PIBF1: variants seen among roughly 807,000 people sequenced by gnomAD.
PIBF1 encodes the protein progesterone immunomodulatory binding factor 1.
Under a neutral mutation model 112.5 loss-of-function variants are expected in PIBF1, and 90 were observed. The observed-to-expected ratio is 0.80, with a 90% CI of 0.67 to 0.95. The LOEUF is 0.95. Among genes scored for constraint, PIBF1 ranks in the 40% least tolerant of loss-of-function variants. The pLI is 0.00. For missense variants in PIBF1, 915 were observed against 852.3 expected, an observed-to-expected ratio of 1.07 and a Z score of -0.92; for synonymous variants, 301 against 288.6, an observed-to-expected ratio of 1.04 and a Z score of -0.44.
rs9573076 is a variant in PIBF1 at position 72,976,736 on chromosome 13, C to G, written c.2049+3061C>G. Among the ~76,000 whole-genome samples the G allele has an allele frequency of 2.3e-3, 357 of 152,262 alleles. 12 individuals are homozygous for G. In the East Asian group the frequency reaches 0.055, roughly 23 times the overall value. On this transcript the variant is annotated intron_variant, in intron 16 of 17. Coordinates refer to ENST00000326291, the MANE Select transcript of PIBF1 (RefSeq NM_006346.4). ...GAAAGAAAACAGCTGGTGTGACCCCCTAGAAATGCTTGGCCATTCACTTGA... is the reference window on the plus strand; with the variant it reads ...GAAAGAAAACAGCTGGTGTGACCCCGTAGAAATGCTTGGCCATTCACTTGA...
At chr13:72,937,391 A>G (rs925905486) in intron 14 of PIBF1, among the ~76,000 whole-genome samples, 1 of 152,240 alleles carries the variant, frequency 6.6e-6, no homozygotes, top group African/African-American at 2.4e-5. Flanking sequence ...AGTGATATTT[A>G]GTAAAACATA....
At chr13:72,844,792 C>G (rs1466856144) in intron 9 of PIBF1, among the ~76,000 whole-genome samples, 3 of 132,030 alleles carry the variant, frequency 2.3e-5, no homozygotes, top group African/African-American at 8.5e-5. Context: ...CACACACACA[C>G]ACACACACGG....
At chr13:72,960,892 C>T (rs1177151093) in intron 14 of PIBF1, among the ~76,000 whole-genome samples, 3 of 151,432 alleles carry the variant, frequency 2.0e-5, no homozygotes, top group Non-Finnish European at 4.4e-5. Context: ...GAATAATTAC[C>T]AAAGCAAAGA....
chr13:72,977,323 G>A (rs760009761), intron 16 of PIBF1, among the ~76,000 whole-genome samples: 1 of 152,126 alleles, frequency 6.6e-6, no homozygotes, highest in Non-Finnish European at 1.5e-5. Flanking sequence ...CCCTGCCTCA[G>A]CCCCCCAAGT....
chr13:73,013,592 C>T (rs1394644910), intron 17 of PIBF1, among the ~76,000 whole-genome samples: 1 of 151,578 alleles, frequency 6.6e-6, no homozygotes, highest in Non-Finnish European at 1.5e-5. Flanking sequence ...TAAAAATTAG[C>T]TGAGAGTGAT....
chr13:73,013,261 AC>A (rs1484358141), intron 17 of PIBF1, among the ~76,000 whole-genome samples: 3 of 143,712 alleles, frequency 2.1e-5, no homozygotes, highest in African/African-American at 8.1e-5. Context: ...AGATCGCGCC[AC>A]TGCACTCCAG....
At chr13:72,965,505 A>G (rs1282913785) in intron 15 of PIBF1, 101 bp downstream of exon 15, 3 of 887,498 alleles carry the variant, frequency 3.4e-6, no homozygotes, top group Non-Finnish European at 5.1e-6. Flanking sequence ...GAAAATTTAA[A>G]TAATGAAGGT....
At chr13:72,849,362 A>G (rs1322197911) in intron 9 of PIBF1, among the ~76,000 whole-genome samples, 4 of 152,250 alleles carry the variant, frequency 2.6e-5, no homozygotes, top group East Asian at 3.8e-4. Flanking sequence ...TAGCTTGTAC[A>G]TGCTACGGAT....
intron 13 of PIBF1, among the ~76,000 whole-genome samples, chr13:72,925,628 G>A (rs530467761): frequency 7.1e-4 from 94 of 133,318 alleles, no homozygotes; most frequent in African/African-American, 2.5e-3. Context: ...TGCAAGCTCC[G>A]CCTCCCGGGT....
intron 13 of PIBF1, among the ~76,000 whole-genome samples, chr13:72,919,535 G>A (rs529534183): frequency 6.6e-6 from 1 of 152,254 alleles, no homozygotes; most frequent in Non-Finnish European, 1.5e-5. Context: ...GCCTAAGGAA[G>A]AATAGAACAT....
At chr13:72,878,615 A>G (rs997992705) in intron 10 of PIBF1, among the ~76,000 whole-genome samples, 2 of 152,174 alleles carry the variant, frequency 1.3e-5, no homozygotes, top group African/African-American at 2.4e-5. Context: ...GTATTCTGCT[A>G]TTGTTGATAA....
chr13:72,802,044 A>G (rs1191804088), intron 5 of PIBF1, among the ~76,000 whole-genome samples: 1 of 152,234 alleles, frequency 6.6e-6, no homozygotes, highest in Non-Finnish European at 1.5e-5. Context: ...AGAATACAGT[A>G]TATAATACAT....
chr13:72,818,259 C>A (rs768919184), intron 5 of PIBF1, among the ~76,000 whole-genome samples: 1 of 152,148 alleles, frequency 6.6e-6, no homozygotes, highest in Non-Finnish European at 1.5e-5. Flanking sequence ...GATACCCCAA[C>A]TTACAGTATT....
intron 5 of PIBF1, among the ~76,000 whole-genome samples, chr13:72,805,795 A>C (rs2035703302): frequency 6.6e-6 from 1 of 152,180 alleles, no homozygotes; most frequent in African/African-American, 2.4e-5. Flanking sequence ...TGAGTCTAGA[A>C]ACTAAAGACC....
In PIBF1 at chr13:72,940,198, T is replaced by A. The variant is rs528465558; in HGVS notation, c.1833+8931T>A. The stretch of plus-strand genomic sequence containing the variant: ...TACAACAGAACAAATGATGTTCTCT[T>A]CAGTTTTTTTCAGTCTTTTTTCTGC... On this transcript the variant is annotated intron_variant, in intron 14 of 17. Coordinates refer to ENST00000326291, the MANE Select transcript of PIBF1 (RefSeq NM_006346.4). Among the ~76,000 whole-genome samples, 132 of 152,276 alleles carry A rather than the reference T, an allele frequency of 8.7e-4. 1 individual carries two copies. Among genetic ancestry groups the A allele is most frequent in the Admixed American group, 2.3e-3 (35 of 15,292 alleles).
rs2036790807 is a variant in PIBF1 at position 72,825,944 on chromosome 13, C to G, written c.807-1066C>G. 2.0e-5 allele frequency among the ~76,000 whole-genome samples: 3 copies of G among 150,692 alleles called. No homozygotes were observed. In the South Asian group the frequency reaches 6.3e-4, roughly 32 times the overall value. ...AAATTAGGCACATGGTGGCATGCAC[C>G]TGTAGTCCTAACTCTCTGGCAGGCT... is the stretch of plus-strand genomic sequence containing the variant. On this transcript the variant is annotated intron_variant, in intron 6 of 17. Coordinates refer to ENST00000326291, the MANE Select transcript of PIBF1 (RefSeq NM_006346.4).
Position 72,823,759 on chromosome 13 carries a change from T to A in PIBF1, c.806+1777T>A, listed in dbSNP as rs141805181. Among the ~76,000 whole-genome samples the A allele has an allele frequency of 2.7e-3, 411 of 152,344 alleles. 4 individuals are homozygous for A. The highest frequency in any genetic ancestry group is 9.6e-3 in the African/African-American group (400 of 41,590). On this transcript the variant is annotated intron_variant, in intron 6 of 17. Coordinates refer to ENST00000326291, the MANE Select transcript of PIBF1 (RefSeq NM_006346.4). Reference sequence around the variant, plus strand: ...TAGATCTGAATGTATCACTTTTTTTTACTAAAAGTTCCTTATTTTCTGGCA... The same window carrying A: ...TAGATCTGAATGTATCACTTTTTTTAACTAAAAGTTCCTTATTTTCTGGCA...
At chr13:72,784,530 A>G (rs2034486663) in intron 2 of PIBF1, among the ~76,000 whole-genome samples, 1 of 152,040 alleles carries the variant, frequency 6.6e-6, no homozygotes, top group Non-Finnish European at 1.5e-5. Flanking sequence ...TGCTGAGGCC[A>G]GTGGATTGCT....
At chr13:72,932,309 A>G (rs970760647) in intron 14 of PIBF1, among the ~76,000 whole-genome samples, 9 of 152,146 alleles carry the variant, frequency 5.9e-5, no homozygotes, top group African/African-American at 1.9e-4. Context: ...TTCAAGTCAT[A>G]CATTAAATAA....
Sources: allele counts gnomAD v4.1 joint callset (sites outside exome capture counted in the v4.1 genomes callset), GRCh38; gene constraint gnomAD v4.1.1; transcripts MANE v1.5; gene names NCBI Gene and HGNC (gene_info 2026-07-23, HGNC 2026-07-21).